SLC2A13: variants seen among roughly 807,000 people sequenced by gnomAD.
The protein encoded by SLC2A13 is solute carrier family 2 member 13, also known as proton myo-inositol cotransporter.
A neutral mutation model predicts 64.4 loss-of-function variants in SLC2A13; 32 were observed. The ratio of observed to expected loss-of-function variants is 0.50; its 90% CI spans 0.37 to 0.67. The LOEUF is 0.67. SLC2A13 is among the 30% of genes least tolerant of loss of function. The probability of loss-of-function intolerance (pLI) is 0.00; values close to 1 mark genes in which losing one functional copy is unlikely to be tolerated. For synonymous variants in SLC2A13, 338 were observed against 327.1 expected (o/e 1.03, Z -0.36); for missense variants, 743 against 829.2 (o/e 0.90, Z 1.28).
At chr12:39,771,296 A>G (rs1344070854) in intron 7 of SLC2A13, among the ~76,000 whole-genome samples, 1 of 152,068 alleles carries the variant, frequency 6.6e-6, no homozygotes, top group African/African-American at 2.4e-5. Context: ...GAATATGGCA[A>G]AAGTGACAGG....
At chr12:40,012,831 G>A (rs1947553159) in intron 3 of SLC2A13, among the ~76,000 whole-genome samples, 1 of 152,154 alleles carries the variant, frequency 6.6e-6, no homozygotes, top group Non-Finnish European at 1.5e-5. Flanking sequence ...TATGGTCCCA[G>A]AAAGGAAAGT....
At position 39,758,177 on chromosome 12, in the gene SLC2A13, T is replaced by C. The variant is rs1217194217; in HGVS notation, c.*1849A>G. Reference sequence around the variant, plus strand: ...ATTCAAGGAAAAAACCTCTATAAAATATTAATTTTTTTTATTATATGAAAT... The same window carrying C: ...ATTCAAGGAAAAAACCTCTATAAAACATTAATTTTTTTTATTATATGAAAT... On this transcript the variant is annotated 3_prime_UTR_variant, in exon 10 of 10. Transcript: ENST00000280871. The C allele has an allele frequency of 6.6e-6, 1 of 151,616 alleles. No individual in the cohort carries two copies. Among genetic ancestry groups the C allele is most frequent in the African/African-American group, 2.4e-5 (1 of 41,374 alleles). 9.4% of individuals were successfully genotyped at this position (151,616 alleles called of 1,614,324 possible).
At chr12:40,104,724 G>C (rs1273237911) in intron 1 of SLC2A13, among the ~76,000 whole-genome samples, 1 of 152,224 alleles carries the variant, frequency 6.6e-6, no homozygotes, top group Middle Eastern at 3.2e-3. Flanking sequence ...TAAGCAAAGA[G>C]GGCAGGGGTC....
intron 1 of SLC2A13, among the ~76,000 whole-genome samples, chr12:40,051,445 A>C (rs1014496294): frequency 6.6e-6 from 1 of 152,176 alleles, no homozygotes; most frequent in Non-Finnish European, 1.5e-5. Flanking sequence ...CACTGTGTTT[A>C]GCACTTTGGA....
chr12:39,824,412 T>C (rs1942610552), intron 7 of SLC2A13, among the ~76,000 whole-genome samples: 1 of 152,230 alleles, frequency 6.6e-6, no homozygotes, highest in South Asian at 2.1e-4. Context: ...AGGGGTCAGA[T>C]GACCACCCAT....
At chr12:40,094,477 T>C (rs1938871955) in intron 1 of SLC2A13, among the ~76,000 whole-genome samples, 1 of 151,968 alleles carries the variant, frequency 6.6e-6, no homozygotes. Flanking sequence ...GAATATGGTG[T>C]CCAAAAGCCA....
intron 2 of SLC2A13, among the ~76,000 whole-genome samples, chr12:40,028,945 T>C (rs1022397231): frequency 2.0e-5 from 3 of 152,214 alleles, no homozygotes; most frequent in Non-Finnish European, 1.5e-5. Flanking sequence ...CCCAAATTTG[T>C]TTCTTTATAG....
chr12:39,775,694 C>T (rs1056861710), intron 7 of SLC2A13, among the ~76,000 whole-genome samples: 7 of 152,216 alleles, frequency 4.6e-5, no homozygotes, highest in East Asian at 3.9e-4. Flanking sequence ...ACTACAAATA[C>T]TGCCAGAGAA....
Position 40,076,554 on chromosome 12 carries a change from T to C in SLC2A13, c.557-28344A>G, listed in dbSNP as rs11175063. Among the ~76,000 whole-genome samples the C allele has an allele frequency of 7.2e-4, 109 of 152,316 alleles. No individual in the cohort carries two copies. The East Asian group carries it at 0.012, about 17-fold the overall frequency. ...TACATTTTCTTTATCCAGTCCACCA[T>C]TGATGAACATCTAGGTTGATTCCAT... On this transcript the variant is annotated intron_variant, in intron 1 of 9. Coordinates refer to ENST00000280871, the MANE Select transcript of SLC2A13 (RefSeq NM_052885.4).
chr12:39,899,094 G>A (rs956317664), intron 4 of SLC2A13, among the ~76,000 whole-genome samples: 10 of 152,062 alleles, frequency 6.6e-5, no homozygotes, highest in African/African-American at 1.4e-4. Context: ...GAATTCGGCT[G>A]TGAATCCATC....
At chr12:40,003,375 G>A (rs1209619589) in intron 3 of SLC2A13, among the ~76,000 whole-genome samples, 2 of 152,072 alleles carry the variant, frequency 1.3e-5, no homozygotes, top group African/African-American at 4.8e-5. Context: ...TTATCTCCAA[G>A]GACCAAGGAA....
intron 1 of SLC2A13, among the ~76,000 whole-genome samples, chr12:40,060,116 G>C (rs903554013): frequency 3.3e-5 from 5 of 152,090 alleles, no homozygotes; most frequent in Admixed American, 1.3e-4. Context: ...TGGATGGATG[G>C]ATGGATGGAT....
intron 7 of SLC2A13, among the ~76,000 whole-genome samples, chr12:39,824,517 T>C (rs771105683): frequency 6.6e-6 from 1 of 152,176 alleles, no homozygotes; most frequent in African/African-American, 2.4e-5. Flanking sequence ...TACCAGGTCT[T>C]TCATTCATAA....
intron 1 of SLC2A13, among the ~76,000 whole-genome samples, chr12:40,092,886 C>T (rs971227259): frequency 3.3e-5 from 5 of 152,164 alleles, no homozygotes; most frequent in Non-Finnish European, 5.9e-5. Context: ...GGTTCAAACA[C>T]GAAGATGCAA....
intron 6 of SLC2A13, among the ~76,000 whole-genome samples, chr12:39,863,937 T>C (rs1378994263): frequency 6.6e-6 from 1 of 152,224 alleles, no homozygotes; most frequent in African/African-American, 2.4e-5. Context: ...ACTCATTGAT[T>C]TGAGACTTGC....
chr12:40,082,813 G>GA (rs2136286272), intron 1 of SLC2A13, among the ~76,000 whole-genome samples: 1 of 152,294 alleles, frequency 6.6e-6, no homozygotes, highest in East Asian at 1.9e-4. Context: ...GGTCTGTAAC[G>GA]AGAGTGGGCC....
chr12:39,771,032 C>T (rs1024558764), intron 7 of SLC2A13, among the ~76,000 whole-genome samples: 9 of 152,214 alleles, frequency 5.9e-5, no homozygotes, highest in African/African-American at 1.4e-4. Flanking sequence ...TGTTAGAGAA[C>T]GTACACAAAG....
intron 3 of SLC2A13, among the ~76,000 whole-genome samples, chr12:39,973,113 C>T (rs546008522): frequency 6.6e-6 from 1 of 152,318 alleles, no homozygotes; most frequent in African/African-American, 2.4e-5. Flanking sequence ...CTTCCACTTT[C>T]TTGCCTCTAC....
At chr12:39,776,495 T>C (rs538608268) in intron 7 of SLC2A13, among the ~76,000 whole-genome samples, 1 of 152,362 alleles carries the variant, frequency 6.6e-6, no homozygotes, top group East Asian at 1.9e-4. Context: ...ATGGTTTATA[T>C]TCTCTGAGAA....
Sources: gnomAD v4.1 joint callset for allele counts (sites outside exome capture counted in the v4.1 genomes callset) on GRCh38, gnomAD v4.1.1 for gene constraint, MANE v1.5 for transcripts, NCBI Gene and HGNC (gene_info 2026-07-23, HGNC 2026-07-21) for gene names.